NAV2: variants seen among roughly 807,000 people sequenced by gnomAD.
The protein encoded by NAV2 is neuron navigator 2, also known as helicase, APC down-regulated 1.
Under a neutral mutation model 223.2 loss-of-function variants are expected in NAV2, and 54 were observed. The observed-to-expected ratio is 0.24, with a 90% CI of 0.19 to 0.30. The LOEUF (loss-of-function observed/expected upper bound fraction) is 0.30. Among genes scored for constraint, NAV2 ranks in the 10% least tolerant of loss-of-function variants. NAV2 has a pLI of 1.00. For missense variants in NAV2, 2,806 were observed against 3,147.5 expected (o/e 0.89, Z 2.60); for synonymous variants, 1,279 against 1,239.3 (o/e 1.03, Z -0.67).
chr11:19,537,299 C>G lies in NAV2; in HGVS notation c.75+186272C>G, dbSNP rs151335069. Among the ~76,000 whole-genome samples, 1,165 of 152,188 alleles carry G rather than the reference C, an allele frequency of 7.7e-3. 16 individuals carry two copies. The highest frequency in any genetic ancestry group is 0.026 in the African/African-American group (1,071 of 41,502). ...CAATAATAATAATAACAACACCCAC[C>G]ATGAATAAACTGCCCAGTGTGCTAG... is the stretch of plus-strand genomic sequence containing the variant. On this transcript the variant is annotated intron_variant, in intron 1 of 37. Transcript: ENST00000360655.
At chr11:19,705,331 T>C (rs1013458100) in intron 1 of NAV2, among the ~76,000 whole-genome samples, 1 of 152,240 alleles carries the variant, frequency 6.6e-6, no homozygotes, top group Non-Finnish European at 1.5e-5. Flanking sequence ...TCCAGACGTT[T>C]TGATTTCCCT....
At chr11:19,758,522 C>A (rs1358182833) in intron 1 of NAV2, among the ~76,000 whole-genome samples, 1 of 152,058 alleles carries the variant, frequency 6.6e-6, no homozygotes, top group South Asian at 2.1e-4. Context: ...AGAGGCAGTG[C>A]GGGGGACCAG....
chr11:19,600,921 T>C (rs2082919783), intron 1 of NAV2, among the ~76,000 whole-genome samples: 1 of 152,212 alleles, frequency 6.6e-6, no homozygotes, highest in Non-Finnish European at 1.5e-5. Context: ...TTTTCTACTA[T>C]ACCATGTGAC....
chr11:19,793,770 C>T (rs1266150876), intron 1 of NAV2, among the ~76,000 whole-genome samples: 2 of 152,252 alleles, frequency 1.3e-5, no homozygotes, highest in Admixed American at 6.5e-5. Flanking sequence ...CCTGTATCAT[C>T]TGGCCGCTGC....
At chr11:19,756,100 G>A (rs946798394) in intron 1 of NAV2, among the ~76,000 whole-genome samples, 1 of 152,114 alleles carries the variant, frequency 6.6e-6, no homozygotes, top group Non-Finnish European at 1.5e-5. Flanking sequence ...TCAATCTCCT[G>A]TACAGCTCTT....
chr11:20,037,604 C>T (rs1235694342), intron 12 of NAV2, among the ~76,000 whole-genome samples: 1 of 152,140 alleles, frequency 6.6e-6, no homozygotes, highest in Non-Finnish European at 1.5e-5. Context: ...AGAAAGGGGG[C>T]CATGGGTAAT....
In NAV2 at chr11:19,975,747, A is replaced by G. The variant is rs150792401; in HGVS notation, c.2646-8378A>G. Among the ~76,000 whole-genome samples, 312 of 152,318 alleles carry G rather than the reference A, an allele frequency of 2.0e-3. 2 individuals are homozygous for G. Among genetic ancestry groups the G allele is most frequent in the African/African-American group, 7.0e-3 (292 of 41,582 alleles). On this transcript the variant is annotated intron_variant, in intron 10 of 37. Transcript: ENST00000349880. ...TTATAGCAAACAGACAAGTCTTGCAATGTAGAAATCATTGTAGAGTGTGTT... is the reference window on the plus strand; with the variant it reads ...TTATAGCAAACAGACAAGTCTTGCAGTGTAGAAATCATTGTAGAGTGTGTT...
chr11:19,890,632 G>T (rs2041426991), intron 5 of NAV2, among the ~76,000 whole-genome samples: 1 of 152,088 alleles, frequency 6.6e-6, no homozygotes, highest in Non-Finnish European at 1.5e-5. Flanking sequence ...GGTTTAAAAA[G>T]TCCAGCCCAA....
rs536214993 is a variant in NAV2, at chr11:19,816,900, C to CT, written c.268-15575dup. Among the ~76,000 whole-genome samples, 12 of 151,682 alleles carry CT rather than the reference C, an allele frequency of 7.9e-5. No homozygotes were observed. The South Asian group carries it at 1.3e-3, about 16-fold the overall frequency. On this transcript the variant is annotated intron_variant, in intron 1 of 37. Transcript: ENST00000349880. The stretch of plus-strand genomic sequence containing the variant: ...TGAAACCAGAGGAGGCTCCCACCAC[C>CT]TTTTTTTTTCCCCTCTGTGCCTTCG...
At chr11:19,986,042 T>C (rs1436921843) in intron 11 of NAV2, among the ~76,000 whole-genome samples, 2 of 152,230 alleles carry the variant, frequency 1.3e-5, no homozygotes, top group African/African-American at 2.4e-5. Context: ...GTTTAGTAAA[T>C]CTATCCACAT....
chr11:19,628,823 A>T (rs1215074495), intron 1 of NAV2, among the ~76,000 whole-genome samples: 1 of 152,206 alleles, frequency 6.6e-6, no homozygotes, highest in Non-Finnish European at 1.5e-5. Flanking sequence ...AGTCTTCTGG[A>T]ATCATTGATT....
At chr11:19,812,659 T>C (rs1280423062) in intron 1 of NAV2, among the ~76,000 whole-genome samples, 1 of 152,072 alleles carries the variant, frequency 6.6e-6, no homozygotes, top group African/African-American at 2.4e-5. Context: ...AGCAAAGATA[T>C]TGCATTTCAT....
intron 20 of NAV2, among the ~76,000 whole-genome samples, chr11:20,063,517 C>A (rs535564564): frequency 1.2e-4 from 19 of 152,220 alleles, no homozygotes; most frequent in African/African-American, 4.6e-4. Context: ...GGATTACAGG[C>A]AGGCACCACC....
At chr11:19,632,691 C>G (rs979892657) in intron 1 of NAV2, among the ~76,000 whole-genome samples, 2 of 152,156 alleles carry the variant, frequency 1.3e-5, no homozygotes, top group African/African-American at 2.4e-5. Context: ...TCGGAATATG[C>G]CTTCGACCTT....
At chr11:19,629,028 G>A (rs984945688) in intron 1 of NAV2, among the ~76,000 whole-genome samples, 3 of 152,118 alleles carry the variant, frequency 2.0e-5, no homozygotes, top group African/African-American at 4.8e-5. Context: ...GGTTCTTGAA[G>A]CTACCCAGCT....
At chr11:19,997,706 C>G (rs1385688441) in intron 11 of NAV2, among the ~76,000 whole-genome samples, 1 of 152,154 alleles carries the variant, frequency 6.6e-6, no homozygotes, top group Non-Finnish European at 1.5e-5. Context: ...GGCTGTCTGG[C>G]TCTAAAGCCA....
At chr11:19,519,315 C>T (rs955132901) in intron 1 of NAV2, among the ~76,000 whole-genome samples, 4 of 152,090 alleles carry the variant, frequency 2.6e-5, no homozygotes, top group African/African-American at 9.7e-5. Flanking sequence ...GTTCTGCCTT[C>T]ATGCAGCATG....
At chr11:19,624,179 C>T (rs2047092933) in intron 1 of NAV2, among the ~76,000 whole-genome samples, 1 of 152,220 alleles carries the variant, frequency 6.6e-6, no homozygotes, top group Non-Finnish European at 1.5e-5. Flanking sequence ...TCGGACCCTA[C>T]TGCGAGGTGC....
At chr11:19,505,309 C>T (rs915028361) in intron 1 of NAV2, 2 of 152,220 alleles carry the variant, frequency 1.3e-5, no homozygotes, top group Non-Finnish European at 2.9e-5. Flanking sequence ...TGGAATTCTT[C>T]TCTCATGCTG....
Sources: gnomAD v4.1 joint callset for allele counts (sites outside exome capture counted in the v4.1 genomes callset) on GRCh38, gnomAD v4.1.1 for gene constraint, MANE v1.5 for transcripts, NCBI Gene and HGNC (gene_info 2026-07-23, HGNC 2026-07-21) for gene names.